The following SLC45A4 variants were observed in gnomAD, a reference collection of about 807,000 sequenced individuals.
The protein encoded by SLC45A4 is solute carrier family 45 member 4, also known as polyamine-transporter SLC45A4.
Under a neutral mutation model 63.7 loss-of-function variants are expected in SLC45A4, and 32 were observed. The observed-to-expected ratio is 0.50, with a 90% confidence interval of 0.38 to 0.67. SLC45A4 has a LOEUF of 0.67. SLC45A4 is among the 30% of genes least tolerant of loss of function. The probability of loss-of-function intolerance (pLI) is 0.00; values close to 1 mark genes in which losing one functional copy is unlikely to be tolerated. For synonymous variants in SLC45A4, 535 were observed against 510.0 expected (o/e 1.05, Z -0.66); for missense variants, 1,027 against 1,157.7 (o/e 0.89, Z 1.64).
At position 141,227,601 on chromosome 8, in the gene SLC45A4, C is replaced by A. The variant is rs1302225016; in HGVS notation, c.242-5836G>T. Among the ~76,000 whole-genome samples the A allele has an allele frequency of 6.6e-6, 1 of 152,074 alleles. No individual in the cohort carries two copies. The highest frequency in any genetic ancestry group is 2.4e-5 in the African/African-American group (1 of 41,412). On this transcript the variant is annotated intron_variant, in intron 2 of 8. Coordinates refer to ENST00000517878, the MANE Select transcript of SLC45A4 (RefSeq NM_001286646.2). The surrounding 1 kb of genome is among the most constrained non-coding windows in gnomAD (Gnocchi z 4.4). ...GCCCCAGACAGGAAAGACACTGGGC[C>A]GGGGGAGCCGGGCCCCCAGGGCTCG...
At position 141,254,358 on chromosome 8, in the gene SLC45A4, T is replaced by C. The variant is rs1828668616; in HGVS notation, c.-129A>G. On this transcript the variant is annotated 5_prime_UTR_variant, in exon 2 of 9. It removes the in-frame stop codon of an upstream open reading frame in the 5' UTR. Coordinates refer to ENST00000517878, the MANE Select transcript of SLC45A4 (RefSeq NM_001286646.2). This position sits in a 1 kb window ranked among gnomAD's most constrained non-coding sequence, Gnocchi z 4.5. ...CTGTGTTCCTCGGGCAGGTAACACT[T>C]ACATTCCTCTTTGCACAAGTGGCTA... 2 of 1,081,146 alleles carry C rather than the reference T, an allele frequency of 1.8e-6. No homozygotes were observed. Among genetic ancestry groups the C allele is most frequent in the East Asian group, 5.2e-5 (2 of 38,568 alleles). The allele number at this position is 1,081,146 out of a possible 1,614,324, so 67.0% of individuals were successfully genotyped here.
intron 2 of SLC45A4, among the ~76,000 whole-genome samples, chr8:141,231,104 AC>A (rs1384031257): frequency 6.6e-6 from 1 of 152,214 alleles, no homozygotes; most frequent in African/African-American, 2.4e-5. Flanking sequence ...GGGAGAAGCC[AC>A]ATTCGGTCAC....
chr8:141,274,194 G>A (rs1222669982), intron 1 of SLC45A4, among the ~76,000 whole-genome samples: 10 of 149,914 alleles, frequency 6.7e-5, no homozygotes, highest in Non-Finnish European at 1.3e-4. Context: ...ACGCCACTGC[G>A]CTCCAGCCTG....
intron 1 of SLC45A4, among the ~76,000 whole-genome samples, chr8:141,291,314 A>C (rs926475821): frequency 6.6e-5 from 10 of 152,364 alleles, no homozygotes; most frequent in African/African-American, 2.4e-4. Flanking sequence ...GTCTGGAGAA[A>C]GAGGGCTGGG....
Position 141,219,782 on chromosome 8 carries a change from G to C in SLC45A4, c.478C>G (p.Leu160Val). 3 of 1,598,286 alleles carry C rather than the reference G, an allele frequency of 1.9e-6. No individual in the cohort carries two copies. The highest frequency in any genetic ancestry group is 1.1e-5 in the South Asian group (1 of 88,510). The change falls in exon 4 of 9, where the codon CTC becomes GTC. Residue 160 changes from leucine (L) to valine (V), a missense_variant. Physicochemically the swap from Leu to Val is conservative, Grantham distance 32. Transcript: ENST00000517878. ...AGGACCACCACTCCCAGCACCGTGA[G>C]CACGATGCCAATGGGCTGCCGGTTG... ...VPNRQPIGIV[L>V]TVLGVVVLDF...
rs773175282 is a variant in SLC45A4 at position 141,217,155 on chromosome 8, T to C, written c.1664A>G (p.Asn555Ser). 63 of 1,613,670 alleles carry C rather than the reference T, an allele frequency of 3.9e-5. No individual in the cohort carries two copies. Among genetic ancestry groups the C allele is most frequent in the South Asian group, 6.6e-5 (6 of 91,080 alleles). Residue 555 changes from asparagine (N) to serine (S), a missense_variant, in exon 6 of 9, where the codon AAC (asparagine) becomes AGC (serine). Physicochemically the swap from Asn to Ser is conservative, Grantham distance 46. Coordinates refer to ENST00000517878, the MANE Select transcript of SLC45A4 (RefSeq NM_001286646.2). The stretch of plus-strand genomic sequence containing the variant: ...CCAGCAGCCCATCTTGACCCCGGCG[T>C]TGTAGGCTTGCCAGGCGGTCGAGTT... ...PSNSTAWQAY[N>S]AGVKMGCWGL...
chr8:141,230,225 C>A, intron 2 of SLC45A4: 1 of 429,478 alleles, frequency 2.3e-6, no homozygotes, highest in Non-Finnish European at 4.7e-6. Flanking sequence ...CAAATAAGAC[C>A]CACTGTGGCT....
chr8:141,230,870 C>T (rs1279206135), intron 2 of SLC45A4, among the ~76,000 whole-genome samples: 5 of 152,226 alleles, frequency 3.3e-5, no homozygotes, highest in Admixed American at 6.5e-5. Flanking sequence ...GCACTGATGA[C>T]GGCCCCAACG....
At chr8:141,280,626 G>A (rs1829897089) in intron 1 of SLC45A4, among the ~76,000 whole-genome samples, 1 of 152,202 alleles carries the variant, frequency 6.6e-6, no homozygotes, top group Non-Finnish European at 1.5e-5. Flanking sequence ...CAAACAGCCA[G>A]GCTGAGTGGG....
intron 2 of SLC45A4, among the ~76,000 whole-genome samples, chr8:141,236,328 T>C (rs1827625135): frequency 6.6e-6 from 1 of 152,126 alleles, no homozygotes; most frequent in African/African-American, 2.4e-5. Flanking sequence ...GAACTCAAAC[T>C]CTCAGTTTCC....
chr8:141,218,758 G>A lies in SLC45A4; in HGVS notation c.882C>T (p.Ala294=), dbSNP rs776263038. The A allele has an allele frequency of 2.5e-6, 4 of 1,613,278 alleles. No individual in the cohort carries two copies. In the South Asian group the frequency reaches 4.4e-5, roughly 18 times the overall value. ...TGATGTCCACGTCCGGGTAGTCCAG[G>A]GCCAGCTCGTGCTCCGACTGTACCT... ...PDEVQSEHEL[A]LDYPDVDIMR... is the part of the protein sequence containing the mutation. The change falls in exon 5 of 9, where the codon GCC becomes GCT. Residue 294 remains alanine (A), a synonymous_variant. Transcript: ENST00000517878.
At chr8:141,228,426 A>G in intron 2 of SLC45A4, 1 of 1,421,848 alleles carries the variant, frequency 7.0e-7, no homozygotes, top group East Asian at 2.5e-5. Flanking sequence ...GCCAGCGGGA[A>G]CATTCCGCAG....
Position 141,221,773 on chromosome 8 carries a change from G to A in SLC45A4, c.242-8C>T. On this transcript the variant is annotated splice_polypyrimidine_tract_variant and splice_region_variant and intron_variant, in intron 2 of 8. Transcript: ENST00000517878. ...AGTACTGCTCCGGAAGGCCTGCAAGGGACACGAGGGCCGTCGCACACGCAG... is the reference window on the plus strand; with the variant it reads ...AGTACTGCTCCGGAAGGCCTGCAAGAGACACGAGGGCCGTCGCACACGCAG... 1 of 1,609,536 alleles carries A rather than the reference G, an allele frequency of 6.2e-7. No individual in the cohort carries two copies. Among genetic ancestry groups the A allele is most frequent in the African/African-American group, 1.3e-5 (1 of 74,940 alleles).
In SLC45A4 at chr8:141,282,087, G is replaced by GCATGGGAA. The variant is rs1408309705; in HGVS notation, c.-401+26001_-401+26008dup. ...GGAAGCCCAGAGCAAATCGAAGGAT[G>GCATGGGAA]CATGGGAACCTCCTTTGGAAGTAGG... On this transcript the variant is annotated intron_variant, in intron 1 of 8. Coordinates refer to ENST00000517878, the MANE Select transcript of SLC45A4 (RefSeq NM_001286646.2). Among the ~76,000 whole-genome samples the GCATGGGAA allele has an allele frequency of 6.6e-5, 10 of 152,206 alleles. No homozygotes were observed. In the East Asian group the frequency reaches 1.5e-3, roughly 23 times the overall value.
intron 6 of SLC45A4, 94 bp downstream of exon 6, chr8:141,216,996 C>T (rs1298753166): frequency 6.2e-6 from 8 of 1,283,712 alleles, no homozygotes; most frequent in Non-Finnish European, 8.9e-6. Flanking sequence ...CGACTGATGG[C>T]CCCAGCTTCT....
In SLC45A4 at chr8:141,210,758, C is replaced by G. The variant is rs1302952824; in HGVS notation, c.*814G>C. ...ACTTTATTTAAAAAACAACTTGAGGCAGCAAAAGTATTAATTACAATTGTC... is the reference window on the plus strand; with the variant it reads ...ACTTTATTTAAAAAACAACTTGAGGGAGCAAAAGTATTAATTACAATTGTC... On this transcript the variant is annotated 3_prime_UTR_variant, in exon 9 of 9. Coordinates refer to ENST00000517878, the MANE Select transcript of SLC45A4 (RefSeq NM_001286646.2). 6.6e-6 allele frequency: 1 copy of G among 152,178 alleles called. No homozygotes were observed. Among genetic ancestry groups the G allele is most frequent in the Non-Finnish European group, 1.5e-5 (1 of 68,030 alleles). 9.4% of individuals were successfully genotyped at this position (152,178 alleles called of 1,614,324 possible). A position where few individuals can be genotyped will look rare whatever the true frequency, so the allele number is the denominator to read the frequency against.
chr8:141,287,510 C>T (rs1830192839), intron 1 of SLC45A4, among the ~76,000 whole-genome samples: 1 of 152,256 alleles, frequency 6.6e-6, no homozygotes, highest in Non-Finnish European at 1.5e-5. Flanking sequence ...TTCCCATTTC[C>T]ATGGCCAGGA....
chr8:141,221,361 C>T (rs752024801), intron 3 of SLC45A4, among the ~76,000 whole-genome samples: 11 of 152,292 alleles, frequency 7.2e-5, no homozygotes, highest in Non-Finnish European at 1.6e-4. Context: ...CAACAGGAAG[C>T]GTTTCCCTGT....
chr8:141,279,683 C>T (rs1313887214), intron 1 of SLC45A4, among the ~76,000 whole-genome samples: 2 of 152,228 alleles, frequency 1.3e-5, no homozygotes, highest in African/African-American at 2.4e-5. Flanking sequence ...CCCTGGCACA[C>T]GCCCCGCGCT....
Sources: gnomAD v4.1 joint callset for allele counts (sites outside exome capture counted in the v4.1 genomes callset) on GRCh38, gnomAD v4.1.1 for gene constraint, Gnocchi (gnomAD v3.1) non-coding constraint, MANE v1.5 for transcripts, NCBI Gene and HGNC (gene_info 2026-07-23, HGNC 2026-07-21) for gene names.